TMCO5A: variants seen among roughly 807,000 people sequenced by gnomAD.
The protein encoded by TMCO5A is transmembrane and coiled-coil domains 5A.
In TMCO5A, 34 loss-of-function variants were observed where a neutral mutation model predicts 42.3. The ratio of observed to expected loss-of-function variants is 0.80; its 90% confidence interval spans 0.61 to 1.07. The LOEUF (loss-of-function observed/expected upper bound fraction) is 1.07. TMCO5A is among the 50% of genes least tolerant of loss of function. The pLI, the probability that TMCO5A is intolerant of heterozygous loss-of-function variation, is 0.00. For missense variants in TMCO5A, 357 were observed against 327.9 expected (o/e 1.09, Z -0.69); for synonymous variants, 131 against 115.6 (o/e 1.13, Z -0.86).
At chr15:37,938,071 G>A (rs1219157930) in intron 5 of TMCO5A, 87 bp from the exon 6 acceptor site, 4 of 1,116,900 alleles carry the variant, frequency 3.6e-6, no homozygotes, top group Non-Finnish European at 5.2e-6. Flanking sequence ...GGTTTATAAA[G>A]GCCATAGTTA....
chr15:37,955,047 A>G (rs1890251652), downstream of TMCO5A, among the ~76,000 whole-genome samples: 2 of 152,158 alleles, frequency 1.3e-5, no homozygotes, highest in Admixed American at 1.3e-4. Context: ...AGAGAAGACC[A>G]CAAAACAACA....
chr15:37,952,953 G>T (rs1187751956), downstream of TMCO5A, among the ~76,000 whole-genome samples: 2 of 152,230 alleles, frequency 1.3e-5, no homozygotes, highest in Admixed American at 1.3e-4. Context: ...TATGGTGGCA[G>T]TGGCCATGGT....
At chr15:38,040,412 G>T in the TMCO5A span, 1 of 152,118 alleles carries the variant, frequency 6.6e-6, no homozygotes, top group African/African-American at 2.4e-5. Context: ...CAGGCAAACG[G>T]AGTCGCCATA....
At chr15:37,942,058 T>A (rs1277208097) in intron 8 of TMCO5A, 133 bp from the exon 9 acceptor site, 1 of 840,826 alleles carries the variant, frequency 1.2e-6, no homozygotes. Flanking sequence ...GGGTGAGTTT[T>A]ATGAAAGCAG....
At chr15:37,951,470 A>G, downstream of TMCO5A, 2 of 448,202 alleles carry the variant, frequency 4.5e-6, no homozygotes, top group South Asian at 4.8e-5. Flanking sequence ...TAGTAAACAA[A>G]TTTGACCATT....
chr15:37,969,511 C>T (rs1161544413), downstream of TMCO5A, among the ~76,000 whole-genome samples: 1 of 152,192 alleles, frequency 6.6e-6, no homozygotes, highest in East Asian at 1.9e-4. Flanking sequence ...ATGTCACTGC[C>T]TTGAGGGTTT....
chr15:38,039,194 T>C, the TMCO5A span, among the ~76,000 whole-genome samples: 4 of 152,132 alleles, frequency 2.6e-5, no homozygotes, highest in Non-Finnish European at 1.5e-5. Context: ...CTGTTAAATA[T>C]AGATATGGAT....
At chr15:37,937,478 T>C (rs764183301) in intron 5 of TMCO5A, 82 bp downstream of exon 5, 8 of 1,467,510 alleles carry the variant, frequency 5.5e-6, no homozygotes, top group Non-Finnish European at 7.6e-6. Context: ...GAAGTGATCA[T>C]AGAGGAACCC....
the TMCO5A span, among the ~76,000 whole-genome samples, chr15:37,998,204 A>G: frequency 2.2e-4 from 34 of 152,190 alleles, no homozygotes; most frequent in South Asian, 7.1e-3. Flanking sequence ...TTTTAACTTG[A>G]TGTGACCCCA....
chr15:38,034,980 T>G, the TMCO5A span, among the ~76,000 whole-genome samples: 12 of 152,182 alleles, frequency 7.9e-5, no homozygotes, highest in Non-Finnish European at 1.8e-4. Flanking sequence ...TCCTTCTTCC[T>G]TGGTTGATTC....
At chr15:38,017,141 A>C in the TMCO5A span, among the ~76,000 whole-genome samples, 7 of 152,198 alleles carry the variant, frequency 4.6e-5, no homozygotes, top group African/African-American at 1.7e-4. Flanking sequence ...ATAAATATAC[A>C]GCACCTGTGA....
chr15:38,019,773 AT>A, the TMCO5A span, among the ~76,000 whole-genome samples: 2,374 of 143,436 alleles, frequency 0.017, 32 homozygotes, highest in South Asian at 0.047. Context: ...TGTCTGGCTA[AT>A]TTTTTTTTTT....
chr15:37,951,369 C>T lies in TMCO5A; in HGVS notation c.*135C>T. On this transcript the variant is annotated 3_prime_UTR_variant, in exon 12 of 12. Coordinates refer to ENST00000319669, the MANE Select transcript of TMCO5A (RefSeq NM_152453.4). ...GTTTGCCTGCTTGACTACCTTCTGT[C>T]ACCACGTCATCTTTCCAGGATTAAC... is the stretch of plus-strand genomic sequence containing the variant. 4.0e-6 allele frequency: 3 copies of T among 746,766 alleles called. No individual in the cohort carries two copies. The highest frequency in any genetic ancestry group is 6.5e-6 in the Non-Finnish European group (3 of 458,682). 46.3% of individuals were successfully genotyped at this position (746,766 alleles called of 1,614,324 possible). A position where few individuals can be genotyped will look rare whatever the true frequency, so the allele number is the denominator to read the frequency against.
At chr15:37,963,123 T>C (rs1890473655) in intron 11 of TMCO5A, among the ~76,000 whole-genome samples, 1 of 152,134 alleles carries the variant, frequency 6.6e-6, no homozygotes, top group African/African-American at 2.4e-5. Flanking sequence ...GTTTCTGTAG[T>C]TCCTTGAGGT....
intron 11 of TMCO5A, among the ~76,000 whole-genome samples, chr15:37,963,211 A>G (rs978506039): frequency 6.6e-6 from 1 of 152,040 alleles, no homozygotes; most frequent in Non-Finnish European, 1.5e-5. Context: ...TCCTCTTAGC[A>G]CCACCTTTGC....
At chr15:37,937,512 G>A in intron 5 of TMCO5A, 116 bp downstream of exon 5, 1 of 1,053,118 alleles carries the variant, frequency 9.5e-7, no homozygotes, top group Non-Finnish European at 1.4e-6. Context: ...GCCTGTATGT[G>A]GAGTGCATAT....
the TMCO5A span, among the ~76,000 whole-genome samples, chr15:37,990,964 T>C: frequency 6.6e-6 from 1 of 152,090 alleles, no homozygotes; most frequent in Non-Finnish European, 1.5e-5. Flanking sequence ...TTATACGTTG[T>C]GTGTCCAAAA....
chr15:37,973,089 T>A, the TMCO5A span, among the ~76,000 whole-genome samples: 6 of 152,070 alleles, frequency 3.9e-5, no homozygotes, highest in Admixed American at 3.3e-4. Flanking sequence ...CTATTGTAGG[T>A]GTGTGGTTTT....
chr15:38,015,004 G>T, the TMCO5A span, among the ~76,000 whole-genome samples: 1 of 150,800 alleles, frequency 6.6e-6, no homozygotes, highest in Non-Finnish European at 1.5e-5. Flanking sequence ...AAAGAACTTG[G>T]AGTCCGATGT....
Sources: gnomAD v4.1 joint callset for allele counts (sites outside exome capture counted in the v4.1 genomes callset) on GRCh38, gnomAD v4.1.1 for gene constraint, MANE v1.5 for transcripts, NCBI Gene and HGNC (gene_info 2026-07-23, HGNC 2026-07-21) for gene names.